Variants in PRKCE observed in about 807,000 individuals in gnomAD.
The protein encoded by PRKCE is protein kinase C epsilon.
A neutral mutation model predicts 85.4 loss-of-function variants in PRKCE; 16 were observed. That is an observed-to-expected ratio of 0.19 (90% CI 0.13 to 0.28). The LOEUF (loss-of-function observed/expected upper bound fraction) is 0.28, where lower values mean the gene tolerates loss of function less well. Among genes scored for constraint, PRKCE ranks in the 10% least tolerant of loss-of-function variants. PRKCE has a pLI of 1.00. For synonymous variants in PRKCE, 388 were observed against 371.5 expected (o/e 1.04, Z -0.51); for missense variants, 573 against 975.2 (o/e 0.59, Z 5.49).
intron 1 of PRKCE, among the ~76,000 whole-genome samples, chr2:45,745,543 G>A (rs1439804725): frequency 6.6e-6 from 1 of 152,174 alleles, no homozygotes; most frequent in African/African-American, 2.4e-5. Context: ...AAAGCATGTG[G>A]AGGTTTTGCT....
chr2:45,947,809 T>C (rs1700342954), intron 2 of PRKCE, among the ~76,000 whole-genome samples: 1 of 152,234 alleles, frequency 6.6e-6, no homozygotes, highest in African/African-American at 2.4e-5. Flanking sequence ...AACGTTTCTT[T>C]AGGATTTTCT....
At chr2:45,868,128 C>G (rs1693756636) in intron 2 of PRKCE, among the ~76,000 whole-genome samples, 1 of 151,284 alleles carries the variant, frequency 6.6e-6, no homozygotes, top group African/African-American at 2.4e-5. Context: ...ACTGAAATAT[C>G]TGCAAAGTTT....
chr2:46,165,379 T>C (rs184589615), intron 14 of PRKCE, among the ~76,000 whole-genome samples: 1 of 152,302 alleles, frequency 6.6e-6, no homozygotes, highest in Admixed American at 6.5e-5. Flanking sequence ...TCAAGTCAAT[T>C]TTCCGGGGGT....
intron 11 of PRKCE, among the ~76,000 whole-genome samples, chr2:46,088,465 T>A (rs889229924): frequency 1.3e-5 from 2 of 152,214 alleles, no homozygotes; most frequent in Non-Finnish European, 2.9e-5. Context: ...CACCTGCCCC[T>A]GTTCACCTTG....
intron 10 of PRKCE, among the ~76,000 whole-genome samples, chr2:46,070,964 T>G (rs1302526652): frequency 6.6e-6 from 1 of 152,216 alleles, no homozygotes; most frequent in Admixed American, 6.5e-5. Context: ...TTATGTCCTC[T>G]CATTTGCCTT....
At chr2:45,833,336 C>G (rs1470004028) in intron 1 of PRKCE, among the ~76,000 whole-genome samples, 1 of 152,150 alleles carries the variant, frequency 6.6e-6, no homozygotes. Flanking sequence ...TTCAGTTCCA[C>G]TTAGAGTCTT....
chr2:45,951,609 G>T (rs1446586404), intron 2 of PRKCE, among the ~76,000 whole-genome samples: 1 of 152,196 alleles, frequency 6.6e-6, no homozygotes, highest in Non-Finnish European at 1.5e-5. Context: ...GACCAATGCA[G>T]CATCTCACAA....
intron 2 of PRKCE, among the ~76,000 whole-genome samples, chr2:45,960,447 T>G (rs115557920): frequency 6.6e-6 from 1 of 152,168 alleles, no homozygotes; most frequent in Non-Finnish European, 1.5e-5. Flanking sequence ...TTTCCACTGA[T>G]GGGCAGGGAG....
intron 10 of PRKCE, among the ~76,000 whole-genome samples, chr2:46,058,766 G>A (rs189522437): frequency 1.2e-3 from 182 of 152,308 alleles, no homozygotes; most frequent in African/African-American, 4.3e-3. Flanking sequence ...CATGAACACG[G>A]CTCACTGCAG....
intron 14 of PRKCE, among the ~76,000 whole-genome samples, chr2:46,183,314 G>A (rs1334683310): frequency 6.6e-6 from 1 of 152,136 alleles, no homozygotes; most frequent in African/African-American, 2.4e-5. Context: ...AGAAAACATG[G>A]CTTTATGTCA....
intron 2 of PRKCE, among the ~76,000 whole-genome samples, chr2:45,934,592 T>G (rs1573935181): frequency 6.7e-6 from 1 of 148,588 alleles, no homozygotes; most frequent in Non-Finnish European, 1.5e-5. Context: ...GAGGCTGCAG[T>G]GAGCCGAGAT....
At chr2:46,027,646 C>T (rs1332035337) in intron 10 of PRKCE, among the ~76,000 whole-genome samples, 1 of 152,230 alleles carries the variant, frequency 6.6e-6, no homozygotes, top group African/African-American at 2.4e-5. Flanking sequence ...ATGACATGCT[C>T]TCCAAAAATT....
chr2:45,970,349 C>G (rs1160718469), intron 2 of PRKCE, among the ~76,000 whole-genome samples: 1 of 151,986 alleles, frequency 6.6e-6, no homozygotes, highest in Non-Finnish European at 1.5e-5. Context: ...ATGTTTGTGT[C>G]CTTTAAGCTA....
intron 11 of PRKCE, among the ~76,000 whole-genome samples, chr2:46,104,303 T>TTA (rs1671512723): frequency 6.6e-6 from 1 of 150,954 alleles, no homozygotes; most frequent in East Asian, 1.9e-4. Context: ...GTACTTTTTT[T>TTA]TTTTTTTTTT....
Position 45,785,598 on chromosome 2 carries a change from T to G in PRKCE, c.349-57402T>G, listed in dbSNP as rs989706102. ...TTGAGAAACGCTGTAGAAGGGGAGC[T>G]ACTACTTCAGGTGTCCCTGTGGGAT... On this transcript the variant is annotated intron_variant, in intron 1 of 14. Transcript: ENST00000306156. Among the ~76,000 whole-genome samples, 2 of 152,268 alleles carry G rather than the reference T, an allele frequency of 1.3e-5. 1 individual carries two copies. The highest frequency in any genetic ancestry group is 2.9e-5 in the Non-Finnish European group (2 of 68,016).
chr2:46,040,357 A>G (rs1194817889), intron 10 of PRKCE, among the ~76,000 whole-genome samples: 1 of 152,216 alleles, frequency 6.6e-6, no homozygotes, highest in Non-Finnish European at 1.5e-5. Flanking sequence ...ATCTGGTTAC[A>G]CTGGAGGGTA....
Position 46,151,983 on chromosome 2 carries a change from A to G in PRKCE, c.1920+754A>G, listed in dbSNP as rs562918807. The stretch of plus-strand genomic sequence containing the variant: ...CCCAGGGTCACCCCTCTGAGCTAAG[A>G]TAGGATGAGGGTGACAACCCAGGGA... On this transcript the variant is annotated intron_variant, in intron 13 of 14. Transcript: ENST00000306156. 5.9e-5 allele frequency among the ~76,000 whole-genome samples: 9 copies of G among 152,318 alleles called. 1 individual carries two copies. The Middle Eastern group carries it at 0.02, about 345-fold the overall frequency.
intron 2 of PRKCE, among the ~76,000 whole-genome samples, chr2:45,963,886 C>T (rs1166299934): frequency 1.3e-5 from 2 of 152,230 alleles, no homozygotes; most frequent in Non-Finnish European, 2.9e-5. Flanking sequence ...AAAGTTGGCT[C>T]ACTGCGGTAG....
intron 2 of PRKCE, among the ~76,000 whole-genome samples, chr2:45,962,563 A>G (rs1474277958): frequency 1.3e-5 from 2 of 152,192 alleles, no homozygotes; most frequent in Non-Finnish European, 2.9e-5. Flanking sequence ...CTCAGCATTT[A>G]GCTGATGTTT....
Sources: gnomAD v4.1 joint callset for allele counts (sites outside exome capture counted in the v4.1 genomes callset) on GRCh38, gnomAD v4.1.1 for gene constraint, MANE v1.5 for transcripts, NCBI Gene and HGNC (gene_info 2026-07-23, HGNC 2026-07-21) for gene names.